CEP41: variants seen among roughly 807,000 people sequenced by gnomAD.
CEP41 encodes centrosomal protein 41, also known as centrosomal protein of 41 kDa.
CEP41 carries 32 observed loss-of-function variants against 44.3 expected under a neutral mutation model. That is an observed-to-expected ratio of 0.72 (90% CI 0.54 to 0.97). The LOEUF is 0.97. Among genes scored for constraint, CEP41 ranks in the 50% least tolerant of loss-of-function variants. CEP41 has a pLI of 0.00. For synonymous variants in CEP41, 151 were observed against 168.5 expected (o/e 0.90, Z 0.80); for missense variants, 432 against 455.2 (o/e 0.95, Z 0.46).
chr7:130,439,286 T>C (rs1410501620), intron 1 of CEP41, among the ~76,000 whole-genome samples: 2 of 152,306 alleles, frequency 1.3e-5, no homozygotes, highest in Non-Finnish European at 1.5e-5. Context: ...ATACAAAATA[T>C]GTTAATCAAG....
chr7:130,430,002 T>A (rs1381036259), intron 1 of CEP41, among the ~76,000 whole-genome samples: 1 of 152,190 alleles, frequency 6.6e-6, no homozygotes, highest in Admixed American at 6.5e-5. Flanking sequence ...AAAAACTGCA[T>A]CCTTTGCCTT....
intron 2 of CEP41, among the ~76,000 whole-genome samples, chr7:130,417,709 A>G (rs781982151): frequency 1.3e-5 from 2 of 152,256 alleles, no homozygotes; most frequent in Non-Finnish European, 2.9e-5. Context: ...GCCAGGGGCT[A>G]TTATATTTTA....
At chr7:130,402,533 C>G (rs1379990203) in intron 7 of CEP41, 115 bp downstream of exon 7, 2 of 1,141,444 alleles carry the variant, frequency 1.8e-6, no homozygotes, top group East Asian at 4.7e-5. Context: ...ATGGATCCAG[C>G]TAACATACGG....
At chr7:130,439,365 G>T (rs1162872346) in intron 1 of CEP41, among the ~76,000 whole-genome samples, 1 of 151,872 alleles carries the variant, frequency 6.6e-6, no homozygotes, top group Non-Finnish European at 1.5e-5. Flanking sequence ...TTGCAGGGGG[G>T]AGGGGAGTAA....
At chr7:130,420,311 AGAGT>A in intron 2 of CEP41, 1 of 130,920 alleles carries the variant, frequency 7.6e-6, no homozygotes, top group African/African-American at 2.9e-5. Flanking sequence ...TGCGGGTGAC[AGAGT>A]GAGACTCTAT....
Position 130,401,938 on chromosome 7 carries a change from G to A in CEP41, c.585C>T (p.Tyr195=). 1.2e-6 allele frequency: 2 copies of A among 1,609,380 alleles called. No homozygotes were observed. The highest frequency in any genetic ancestry group is 1.7e-6 in the Non-Finnish European group (2 of 1,175,742). Residue 195 remains tyrosine, a synonymous_variant, in exon 8 of 11, where the codon TAC becomes TAT. Coordinates refer to ENST00000223208, the MANE Select transcript of CEP41 (RefSeq NM_018718.3). ...QQCHIVGAYS[Y]PIATLSRTMN... is the part of the protein sequence containing the mutation. ...TTGTTCTAGACAGAGTTGCAATTGG[G>A]TAACTGTAAGCTGCAAAGAGAAGAA...
rs1554413391 is a variant in CEP41 at position 130,393,902 on chromosome 7, C to G, written c.*4989G>C. On this transcript the variant is annotated 3_prime_UTR_variant, in exon 11 of 11. Transcript: ENST00000223208. ...TGGTACTTTGCAAGGTGTCCATTAA[C>G]AGACAAAATAACCTCGGAAGCCCTG... is the stretch of plus-strand genomic sequence containing the variant. 1.1e-5 allele frequency: 5 copies of G among 454,012 alleles called. No individual in the cohort carries two copies. Among genetic ancestry groups the G allele is most frequent in the Middle Eastern group, 6.9e-4 (1 of 1,444 alleles). 28.1% of individuals were successfully genotyped at this position (454,012 alleles called of 1,614,324 possible). A position where few individuals can be genotyped will look rare whatever the true frequency, so the allele number is the denominator to read the frequency against.
intron 1 of CEP41, among the ~76,000 whole-genome samples, chr7:130,440,061 C>T (rs566729116): frequency 6.6e-6 from 1 of 152,248 alleles, no homozygotes; most frequent in East Asian, 1.9e-4. Flanking sequence ...CTCTTATCAC[C>T]CAGGCTGGAG....
At position 130,395,792 on chromosome 7, in the gene CEP41, C is replaced by T. The variant is rs897131455; in HGVS notation, c.*3099G>A. ...TAGCACCACAGGAAAAATCCCTGAG[C>T]AACTAATGAATGTTATTTGGTCTCT... On this transcript the variant is annotated 3_prime_UTR_variant, in exon 11 of 11. Transcript: ENST00000223208. 2.2e-6 allele frequency: 1 copy of T among 453,048 alleles called. No homozygotes were observed. The highest frequency in any genetic ancestry group is 4.4e-6 in the Non-Finnish European group (1 of 226,654). 28.1% of individuals were successfully genotyped at this position (453,048 alleles called of 1,614,324 possible). A position where few individuals can be genotyped will look rare whatever the true frequency, so the allele number is the denominator to read the frequency against.
rs564625875 is a variant in CEP41 at position 130,399,013 on chromosome 7, C to T, written c.1000G>A (p.Gly334Arg). 3.5e-5 allele frequency: 57 copies of T among 1,614,088 alleles called. No homozygotes were observed. The East Asian group carries it at 4.5e-4, about 13-fold the overall frequency. Residue 334 changes from glycine (G) to arginine (R), a missense_variant, in exon 11 of 11, where the codon GGA becomes AGA. Physicochemically the swap from Gly to Arg is moderately radical, Grantham distance 125. Transcript: ENST00000223208. ...PSRLNQANSS[G>R]RESKVPGARS... The stretch of plus-strand genomic sequence containing the variant: ...GCACCAGGCACCTTGGACTCTCTTC[C>T]GGAGGAGTTAGCTTGGTTCAGTCGG...
intron 4 of CEP41, among the ~76,000 whole-genome samples, chr7:130,411,765 G>T (rs1302979459): frequency 1.3e-5 from 2 of 152,130 alleles, no homozygotes; most frequent in South Asian, 2.1e-4. Flanking sequence ...AAAGTGACTT[G>T]CCCAAAATAA....
chr7:130,407,696 G>T (rs1797056607), intron 5 of CEP41, among the ~76,000 whole-genome samples: 1 of 152,014 alleles, frequency 6.6e-6, no homozygotes, highest in Non-Finnish European at 1.5e-5. Context: ...ATACATAACA[G>T]ATGGTTTAAA....
At position 130,417,036 on chromosome 7, in the gene CEP41, A is replaced by G. The variant is rs116258411; in HGVS notation, c.98-70T>C. 560 of 1,382,016 alleles carry G rather than the reference A, an allele frequency of 4.1e-4. 2 individuals are homozygous for G. The African/African-American group carries it at 7.0e-3, about 17-fold the overall frequency. The allele number at this position is 1,382,016 out of a possible 1,614,324, so 85.6% of individuals were successfully genotyped here. On this transcript the variant is annotated intron_variant, in intron 2 of 10. Coordinates refer to ENST00000223208, the MANE Select transcript of CEP41 (RefSeq NM_018718.3). ...AAATGAGTAACACTGTGGAAACAGA[A>G]TGGAGGAAAAGTATCCCCTAAGCTT...
intron 3 of CEP41, 96 bp from the exon 4 acceptor site, chr7:130,412,336 T>A: frequency 1.4e-6 from 1 of 719,850 alleles, no homozygotes; most frequent in Non-Finnish European, 2.5e-6. Context: ...GTTATTTATA[T>A]GCTTTTACAT....
Position 130,403,770 on chromosome 7 carries a change from G to A in CEP41, c.422+794C>T, listed in dbSNP as rs145704511. Among the ~76,000 whole-genome samples the A allele has an allele frequency of 7.3e-4, 111 of 152,320 alleles. 1 individual carries two copies. The East Asian group carries it at 0.021, about 29-fold the overall frequency. ...AAGGAGAAGAACATCTGTTTGATAA[G>A]AAACTGCATCCTCAGTGGAAGTCCT... On this transcript the variant is annotated intron_variant, in intron 6 of 10. Transcript: ENST00000223208.
At chr7:130,408,351 T>G (rs1191534164) in intron 5 of CEP41, among the ~76,000 whole-genome samples, 1 of 152,186 alleles carries the variant, frequency 6.6e-6, no homozygotes, top group African/African-American at 2.4e-5. Context: ...TGTTCTCCGT[T>G]GTACAAAGAT....
chr7:130,418,125 C>T (rs1413166623), intron 2 of CEP41, among the ~76,000 whole-genome samples: 1 of 152,036 alleles, frequency 6.6e-6, no homozygotes. Context: ...GGTGTTAAGA[C>T]ATACACTCTC....
At chr7:130,403,428 C>A (rs1480796462) in intron 6 of CEP41, among the ~76,000 whole-genome samples, 1 of 152,186 alleles carries the variant, frequency 6.6e-6, no homozygotes, top group Non-Finnish European at 1.5e-5. Context: ...AAGCTAACCA[C>A]TACCACTAAC....
rs541711289 is a variant in CEP41, at chr7:130,410,838, G to T, written c.277+284C>A. ...CAGTCTCATAGTACTTAATGTGTAG[G>T]TACAAAGAATGCTAAAAATATTTGT... On this transcript the variant is annotated intron_variant, in intron 5 of 10. Transcript: ENST00000223208. The T allele has an allele frequency of 6.3e-4, 299 of 475,832 alleles. 1 individual carries two copies. The highest frequency in any genetic ancestry group is 1.1e-3 in the Non-Finnish European group (283 of 260,400). The allele number at this position is 475,832 out of a possible 1,614,324, so 29.5% of individuals were successfully genotyped here.
Sources: gnomAD v4.1 joint callset for allele counts (sites outside exome capture counted in the v4.1 genomes callset) on GRCh38, gnomAD v4.1.1 for gene constraint, MANE v1.5 for transcripts, NCBI Gene and HGNC (gene_info 2026-07-23, HGNC 2026-07-21) for gene names.